The following AGBL4 variants were observed in gnomAD, a reference collection of about 807,000 sequenced individuals.
AGBL4 encodes AGBL carboxypeptidase 4.
In AGBL4, 58 loss-of-function variants were observed where a neutral mutation model predicts 66.4. The observed-to-expected ratio is 0.87, with a 90% CI of 0.71 to 1.09. AGBL4 has a LOEUF of 1.09. Among genes scored for constraint, AGBL4 ranks in the 50% least tolerant of loss-of-function variants. The pLI, the probability that AGBL4 is intolerant of heterozygous loss-of-function variation, is 0.00. For missense variants in AGBL4, 579 were observed against 631.0 expected, an observed-to-expected ratio of 0.92 and a Z score of 0.88; for synonymous variants, 234 against 222.9, an observed-to-expected ratio of 1.05 and a Z score of -0.44.
At chr1:48,688,314 T>C (rs1413618790) in intron 6 of AGBL4, among the ~76,000 whole-genome samples, 4 of 152,176 alleles carry the variant, frequency 2.6e-5, no homozygotes, top group Non-Finnish European at 5.9e-5. Flanking sequence ...TAGAGCTCTC[T>C]CTATTCTCAG....
chr1:49,812,573 G>T (rs1468481147), intron 2 of AGBL4, among the ~76,000 whole-genome samples: 1 of 152,140 alleles, frequency 6.6e-6, no homozygotes, highest in Admixed American at 6.5e-5. Context: ...TCATTCATGG[G>T]TTTCTCCACA....
At chr1:49,435,885 T>C (rs1434051499) in intron 3 of AGBL4, among the ~76,000 whole-genome samples, 1 of 152,214 alleles carries the variant, frequency 6.6e-6, no homozygotes, top group Non-Finnish European at 1.5e-5. Flanking sequence ...AGCTGAGATG[T>C]GAACTCTATC....
In AGBL4 at chr1:49,388,031, T is replaced by C. The variant is rs1292595474; in HGVS notation, c.283-142167A>G. 2.6e-5 allele frequency among the ~76,000 whole-genome samples: 4 copies of C among 151,986 alleles called. No homozygotes were observed. In the East Asian group the frequency reaches 7.7e-4, roughly 29 times the overall value. ...ATGTTGTTGTAAAGACTGAACAAAA[T>C]AATACACAAAAAACACATAGGACAG... is the stretch of plus-strand genomic sequence containing the variant. On this transcript the variant is annotated intron_variant, in intron 3 of 13. Coordinates refer to ENST00000371839, the MANE Select transcript of AGBL4 (RefSeq NM_032785.4).
chr1:49,115,940 T>C (rs774681105), intron 4 of AGBL4, among the ~76,000 whole-genome samples: 2 of 152,150 alleles, frequency 1.3e-5, no homozygotes, highest in Non-Finnish European at 2.9e-5. Flanking sequence ...TGTATCTCCA[T>C]GTTCTTAAAG....
intron 1 of AGBL4, among the ~76,000 whole-genome samples, chr1:50,009,528 A>G (rs939975397): frequency 6.6e-6 from 1 of 152,166 alleles, no homozygotes; most frequent in African/African-American, 2.4e-5. Context: ...CAACACAATA[A>G]AAAACCTAAA....
At chr1:49,324,536 C>T (rs1477388939) in intron 3 of AGBL4, among the ~76,000 whole-genome samples, 1 of 152,236 alleles carries the variant, frequency 6.6e-6, no homozygotes, top group East Asian at 1.9e-4. Flanking sequence ...CCAAGACTGC[C>T]TTCCCAAATG....
intron 1 of AGBL4, among the ~76,000 whole-genome samples, chr1:49,858,757 C>A (rs1646493886): frequency 6.6e-6 from 1 of 152,198 alleles, no homozygotes; most frequent in Admixed American, 6.5e-5. Flanking sequence ...TGCCTCACAC[C>A]TGTAATCCCA....
intron 3 of AGBL4, among the ~76,000 whole-genome samples, chr1:49,651,329 A>C (rs1646000541): frequency 6.6e-6 from 1 of 152,024 alleles, no homozygotes; most frequent in South Asian, 2.1e-4. Context: ...TGCCAACCCC[A>C]TCAAAGAGGG....
intron 1 of AGBL4, among the ~76,000 whole-genome samples, chr1:49,899,347 A>G (rs1649539101): frequency 6.6e-6 from 1 of 152,104 alleles, no homozygotes; most frequent in Admixed American, 6.6e-5. Flanking sequence ...GTCAATAATA[A>G]TTTAATTGTA....
intron 4 of AGBL4, among the ~76,000 whole-genome samples, chr1:49,111,470 CTTCT>C (rs1221091641): frequency 2.0e-5 from 3 of 152,164 alleles, no homozygotes; most frequent in South Asian, 2.1e-4. Context: ...CATTCTCTTC[CTTCT>C]ATTTGGCATG....
intron 5 of AGBL4, among the ~76,000 whole-genome samples, chr1:48,944,491 A>G (rs1656289917): frequency 2.6e-5 from 4 of 152,202 alleles, no homozygotes; most frequent in Admixed American, 2.6e-4. Context: ...TGACATGGTC[A>G]AACTCCCACA....
At chr1:49,840,654 C>CA (rs1645968050) in intron 2 of AGBL4, among the ~76,000 whole-genome samples, 1 of 152,122 alleles carries the variant, frequency 6.6e-6, no homozygotes, top group Non-Finnish European at 1.5e-5. Flanking sequence ...AACAGCCCAT[C>CA]AAAAAGCTAA....
At chr1:48,850,819 G>A (rs1180435133) in intron 6 of AGBL4, among the ~76,000 whole-genome samples, 1 of 152,180 alleles carries the variant, frequency 6.6e-6, no homozygotes, top group African/African-American at 2.4e-5. Flanking sequence ...ACCTCTGGAT[G>A]AACCAGCATC....
At chr1:48,936,964 T>G (rs1055140529) in intron 5 of AGBL4, among the ~76,000 whole-genome samples, 5 of 152,168 alleles carry the variant, frequency 3.3e-5, no homozygotes, top group African/African-American at 1.2e-4. Flanking sequence ...TTTATACCCA[T>G]GAAGAACTTT....
At chr1:49,169,827 C>T (rs781244074) in intron 4 of AGBL4, among the ~76,000 whole-genome samples, 7 of 152,104 alleles carry the variant, frequency 4.6e-5, no homozygotes, top group Non-Finnish European at 8.8e-5. Context: ...ATTCAGATGA[C>T]CAGAATCCAA....
At chr1:49,309,626 G>A (rs1644909486) in intron 3 of AGBL4, among the ~76,000 whole-genome samples, 1 of 151,972 alleles carries the variant, frequency 6.6e-6, no homozygotes, top group Non-Finnish European at 1.5e-5. Context: ...GTGTGTGTGT[G>A]TGTGCATGTG....
At chr1:49,311,493 C>A (rs560900475) in intron 3 of AGBL4, among the ~76,000 whole-genome samples, 1 of 152,058 alleles carries the variant, frequency 6.6e-6, no homozygotes, top group South Asian at 2.1e-4. Context: ...AGCTCCAAAA[C>A]ATGATAAAAA....
intron 5 of AGBL4, among the ~76,000 whole-genome samples, chr1:48,990,168 T>G (rs1660497711): frequency 6.6e-6 from 1 of 152,228 alleles, no homozygotes; most frequent in South Asian, 2.1e-4. Context: ...CTCTTGGCCA[T>G]CTGTACATCT....
intron 1 of AGBL4, among the ~76,000 whole-genome samples, chr1:49,870,887 G>A (rs958899370): frequency 4.6e-5 from 7 of 152,040 alleles, no homozygotes; most frequent in Non-Finnish European, 1.0e-4. Flanking sequence ...TGGAACCTTT[G>A]TGCATTATTG....
Sources: allele counts gnomAD v4.1 joint callset (sites outside exome capture counted in the v4.1 genomes callset), GRCh38; gene constraint gnomAD v4.1.1; transcripts MANE v1.5; gene names NCBI Gene and HGNC (gene_info 2026-07-23, HGNC 2026-07-21).